SLC9A9: variants seen among roughly 807,000 people sequenced by gnomAD.
SLC9A9 encodes the protein sodium/hydrogen exchanger 9.
SLC9A9 carries 62 observed loss-of-function variants against 77.8 expected under a neutral mutation model. The observed-to-expected ratio is 0.80, with a 90% CI of 0.65 to 0.98. SLC9A9 has a LOEUF of 0.98. SLC9A9 is among the 50% of genes least tolerant of loss of function. The pLI, the probability that SLC9A9 is intolerant of heterozygous loss-of-function variation, is 0.00. For missense variants in SLC9A9, 775 were observed against 774.9 expected, an observed-to-expected ratio of 1.00 and a Z score of 0.00; for synonymous variants, 320 against 283.5, an observed-to-expected ratio of 1.13 and a Z score of -1.29.
chr3:143,745,234 C>T (rs1008712800), intron 4 of SLC9A9, among the ~76,000 whole-genome samples: 4 of 152,274 alleles, frequency 2.6e-5, no homozygotes, highest in African/African-American at 9.6e-5. Context: ...AAATACTGAT[C>T]ACTGAGTATT....
Position 143,460,534 on chromosome 3 carries a change from C to A in SLC9A9, c.1469+6503G>T, listed in dbSNP as rs116267738. ...TTATGATAACAGGCTAATAAGTCTC[C>A]TTTAATAGACCAGAATGTCCATTGT... is the stretch of plus-strand genomic sequence containing the variant. On this transcript the variant is annotated intron_variant, in intron 12 of 15. Coordinates refer to ENST00000316549, the MANE Select transcript of SLC9A9 (RefSeq NM_173653.4). Among the ~76,000 whole-genome samples, 817 of 152,216 alleles carry A rather than the reference C, an allele frequency of 5.4e-3. 6 individuals are homozygous for A. Among genetic ancestry groups the A allele is most frequent in the African/African-American group, 0.019 (784 of 41,532 alleles).
At chr3:143,712,184 A>G (rs779837108) in intron 4 of SLC9A9, among the ~76,000 whole-genome samples, 1 of 152,146 alleles carries the variant, frequency 6.6e-6, no homozygotes, top group Non-Finnish European at 1.5e-5. Flanking sequence ...GGTTTCATGA[A>G]CCATCTGCAA....
Position 143,542,568 on chromosome 3 carries a change from T to A in SLC9A9, c.1089+9794A>T, listed in dbSNP as rs2036707345. ...CACTGTAATGCAAATCAATAAGGCA[T>A]GGACACACTGCAGGAAACACGCAAG... On this transcript the variant is annotated intron_variant, in intron 9 of 15. Transcript: ENST00000316549. 2.0e-5 allele frequency among the ~76,000 whole-genome samples: 3 copies of A among 152,178 alleles called. No individual in the cohort carries two copies. The South Asian group carries it at 6.2e-4, about 32-fold the overall frequency.
chr3:143,506,051 T>C (rs1022328512), intron 9 of SLC9A9, among the ~76,000 whole-genome samples: 6 of 152,224 alleles, frequency 3.9e-5, no homozygotes, highest in Non-Finnish European at 5.9e-5. Context: ...TTTAAGTTAA[T>C]ATACATAAAG....
intron 14 of SLC9A9, among the ~76,000 whole-genome samples, chr3:143,300,991 T>G (rs6794548): frequency 0.52 from 79,396 of 152,072 alleles, 22,852 homozygotes; most frequent in African/African-American, 0.74. Flanking sequence ...TCAGGAAGCT[T>G]TGTGGTCCAG....
chr3:143,791,833 T>C (rs1257818206), intron 4 of SLC9A9, among the ~76,000 whole-genome samples: 1 of 152,216 alleles, frequency 6.6e-6, no homozygotes, highest in African/African-American at 2.4e-5. Context: ...GAATTCCTTT[T>C]GGATGGACTT....
intron 14 of SLC9A9, among the ~76,000 whole-genome samples, chr3:143,345,223 A>G (rs1372286594): frequency 6.6e-6 from 1 of 152,254 alleles, no homozygotes; most frequent in Admixed American, 6.5e-5. Context: ...TTGTAATCCA[A>G]GTATACAGAT....
intron 12 of SLC9A9, among the ~76,000 whole-genome samples, chr3:143,437,931 C>A (rs897721671): frequency 2.0e-5 from 3 of 152,178 alleles, no homozygotes; most frequent in Admixed American, 2.0e-4. Flanking sequence ...CTCATATGGT[C>A]ACTAGAAAAT....
chr3:143,321,465 A>G (rs764925643), intron 14 of SLC9A9, among the ~76,000 whole-genome samples: 1 of 152,068 alleles, frequency 6.6e-6, no homozygotes. Context: ...TCCTTCCCAC[A>G]TTTCTCCCAG....
At chr3:143,406,757 C>T (rs2033990015) in intron 12 of SLC9A9, among the ~76,000 whole-genome samples, 1 of 152,018 alleles carries the variant, frequency 6.6e-6, no homozygotes, top group South Asian at 2.1e-4. Context: ...CGGGAGATCA[C>T]CTAAGGTCAG....
chr3:143,400,168 A>C (rs1323194125), intron 12 of SLC9A9, among the ~76,000 whole-genome samples: 1 of 152,218 alleles, frequency 6.6e-6, no homozygotes, highest in Non-Finnish European at 1.5e-5. Context: ...CAAAATAATA[A>C]AAATCCAGGG....
rs550816628 is a variant in SLC9A9, at chr3:143,300,435, T to C, written c.1605-31455A>G. On this transcript the variant is annotated intron_variant, in intron 14 of 15. Transcript: ENST00000316549. ...AACCTCTTCAGTGTTTGGAAATGTA[T>C]AAACTTTTTTAGGGGGAGTGAGGAG... Among the ~76,000 whole-genome samples, 6 of 152,358 alleles carry C rather than the reference T, an allele frequency of 3.9e-5. No homozygotes were observed. The East Asian group carries it at 1.2e-3, about 29-fold the overall frequency.
chr3:143,748,797 G>T (rs1935264539), intron 4 of SLC9A9, among the ~76,000 whole-genome samples: 1 of 148,160 alleles, frequency 6.7e-6, no homozygotes, highest in Non-Finnish European at 1.5e-5. Context: ...TCCGCTTCCT[G>T]GGTTCACGCC....
intron 6 of SLC9A9, among the ~76,000 whole-genome samples, chr3:143,585,226 A>G (rs1217024474): frequency 6.6e-6 from 1 of 152,200 alleles, no homozygotes; most frequent in Non-Finnish European, 1.5e-5. Flanking sequence ...TCAGGAGGTG[A>G]AAGGAAATTC....
At chr3:143,384,858 G>A (rs1050342772) in intron 12 of SLC9A9, among the ~76,000 whole-genome samples, 2 of 152,218 alleles carry the variant, frequency 1.3e-5, no homozygotes, top group East Asian at 1.9e-4. Context: ...CGATTCGGGA[G>A]GTTCAATGAG....
chr3:143,389,884 G>C (rs547849583), intron 12 of SLC9A9, among the ~76,000 whole-genome samples: 15 of 152,004 alleles, frequency 9.9e-5, no homozygotes, highest in Non-Finnish European at 1.9e-4. Context: ...AAGGAAGAAA[G>C]GGGGGTTCTA....
chr3:143,592,700 T>C (rs2037672183), intron 6 of SLC9A9, among the ~76,000 whole-genome samples: 1 of 152,160 alleles, frequency 6.6e-6, no homozygotes, highest in Non-Finnish European at 1.5e-5. Flanking sequence ...TGCTCTACTT[T>C]CTATTCATGA....
chr3:143,693,903 C>T (rs1933552329), intron 4 of SLC9A9, among the ~76,000 whole-genome samples: 1 of 152,126 alleles, frequency 6.6e-6, no homozygotes, highest in Non-Finnish European at 1.5e-5. Flanking sequence ...GAAATAGTTG[C>T]ATTGCGATCT....
chr3:143,303,923 G>A (rs1002888996), intron 14 of SLC9A9, among the ~76,000 whole-genome samples: 1 of 152,304 alleles, frequency 6.6e-6, no homozygotes, highest in South Asian at 2.1e-4. Flanking sequence ...TTTCTTAACA[G>A]AGGAACTTTA....
Sources: gnomAD v4.1 joint callset for allele counts (sites outside exome capture counted in the v4.1 genomes callset) on GRCh38, gnomAD v4.1.1 for gene constraint, MANE v1.5 for transcripts, NCBI Gene and HGNC (gene_info 2026-07-23, HGNC 2026-07-21) for gene names.